Variants in ATXN10 observed in about 807,000 individuals in gnomAD.
ATXN10 encodes the protein ataxin-10.
In ATXN10, 28 loss-of-function variants were observed where a neutral mutation model predicts 52.9. That is an observed-to-expected ratio of 0.53 (90% CI 0.39 to 0.73). The LOEUF is 0.73. ATXN10 is among the 30% of genes least tolerant of loss of function. The pLI is 0.00. For missense variants in ATXN10, 565 were observed against 577.0 expected, an observed-to-expected ratio of 0.98 and a Z score of 0.21; for synonymous variants, 226 against 221.5, an observed-to-expected ratio of 1.02 and a Z score of -0.18.
chr22:45,675,939 TTC>T (rs1439301069), intron 1 of ATXN10: 1 of 152,230 alleles, frequency 6.6e-6, no homozygotes, highest in African/African-American at 2.4e-5. Context: ...TGTAAGATAA[TTC>T]TTTTTTCTCA....
intron 8 of ATXN10, 61 bp downstream of exon 8, chr22:45,738,900 A>G (rs1179569199): frequency 1.0e-5 from 14 of 1,365,338 alleles, no homozygotes; most frequent in Admixed American, 1.7e-5. Context: ...TCATACTGTA[A>G]TATAAATCCA....
In ATXN10 at chr22:45,820,311, T is replaced by TG. The variant is rs1040762019; in HGVS notation, c.1237+13291dup. ...ATGCAAGCTCTGATCACCGTCTAGTTGGAGAAACAGGCCATTGTGATAATA... is the reference window on the plus strand; with the variant it reads ...ATGCAAGCTCTGATCACCGTCTAGTTGGGAGAAACAGGCCATTGTGATAATA... On this transcript the variant is annotated intron_variant, in intron 10 of 11. Transcript: ENST00000252934. The surrounding 1 kb of genome is among the most constrained non-coding windows in gnomAD (Gnocchi z 4.9). Among the ~76,000 whole-genome samples the TG allele has an allele frequency of 1.1e-4, 16 of 152,302 alleles. No homozygotes were observed. Among genetic ancestry groups the TG allele is most frequent in the African/African-American group, 3.6e-4 (15 of 41,558 alleles).
At chr22:45,741,203 A>G (rs908799282) in intron 9 of ATXN10, among the ~76,000 whole-genome samples, 1 of 152,182 alleles carries the variant, frequency 6.6e-6, no homozygotes, top group Non-Finnish European at 1.5e-5. Context: ...TTTTTCTAAG[A>G]TGGTGGCAGA....
chr22:45,791,473 C>G (rs1282760311), intron 9 of ATXN10, among the ~76,000 whole-genome samples: 1 of 151,766 alleles, frequency 6.6e-6, no homozygotes, highest in Non-Finnish European at 1.5e-5. Context: ...AAAAAGTTCT[C>G]TAGTTTTCTG....
intron 9 of ATXN10, chr22:45,792,913 C>T (rs1448685280): frequency 1.6e-5 from 7 of 437,828 alleles, no homozygotes; most frequent in Non-Finnish European, 3.3e-5. Flanking sequence ...GTTATACCTA[C>T]ATAGGGAGCC....
chr22:45,700,811 T>C (rs1923813819), intron 4 of ATXN10, among the ~76,000 whole-genome samples: 2 of 152,240 alleles, frequency 1.3e-5, no homozygotes, highest in South Asian at 2.1e-4. Context: ...AATACTGATA[T>C]GCTGAGCACA....
intron 10 of ATXN10, among the ~76,000 whole-genome samples, chr22:45,838,446 T>G (rs1344164229): frequency 2.6e-5 from 4 of 152,248 alleles, no homozygotes; most frequent in Non-Finnish European, 5.9e-5. Context: ...AAGGCAGTTT[T>G]GCAACAAACA....
intron 9 of ATXN10, among the ~76,000 whole-genome samples, chr22:45,771,591 ATT>A (rs34489391): frequency 6.6e-6 from 1 of 151,676 alleles, no homozygotes; most frequent in Non-Finnish European, 1.5e-5. Flanking sequence ...AAAGTTTTGT[ATT>A]TTTAGTAGAG....
rs1242978831 is a variant in ATXN10 at position 45,841,738 on chromosome 22, T to G, written c.1238-1253T>G. 3.3e-5 allele frequency among the ~76,000 whole-genome samples: 5 copies of G among 152,240 alleles called. No individual in the cohort carries two copies. Among genetic ancestry groups the G allele is most frequent in the African/African-American group, 1.2e-4 (5 of 41,464 alleles). On this transcript the variant is annotated intron_variant, in intron 10 of 11. Transcript: ENST00000252934. The surrounding 1 kb of genome is among the most constrained non-coding windows in gnomAD (Gnocchi z 5.1). ...GAGAGAAACTGTTGGACTCATTTTC[T>G]TTCCCAAATACTACAGGAAAGAGCA...
At chr22:45,703,850 A>G (rs2146756106) in intron 5 of ATXN10, 1 of 152,294 alleles carries the variant, frequency 6.6e-6, no homozygotes, top group South Asian at 2.1e-4. Context: ...ACTCATTAGA[A>G]CCTGTCCCAT....
intron 1 of ATXN10, chr22:45,672,398 C>A: frequency 3.3e-6 from 1 of 301,148 alleles, no homozygotes; most frequent in Non-Finnish European, 5.4e-6. Flanking sequence ...CCCGCTCCCC[C>A]ACCGCAGCCA....
At chr22:45,747,221 G>A (rs1342479737) in intron 9 of ATXN10, among the ~76,000 whole-genome samples, 1 of 152,128 alleles carries the variant, frequency 6.6e-6, no homozygotes, top group African/African-American at 2.4e-5. Context: ...TGTCTGGGGG[G>A]CCGGGTGCAG....
At position 45,740,496 on chromosome 22, in the gene ATXN10, G is replaced by C. The variant is rs971114142; in HGVS notation, c.1131G>C (p.Leu377=). 1 of 1,613,686 alleles carries C rather than the reference G, an allele frequency of 6.2e-7. No individual in the cohort carries two copies. Among genetic ancestry groups the C allele is most frequent in the Non-Finnish European group, 8.5e-7 (1 of 1,179,886 alleles). ...ANGFKSHLIR[L]IGNLCYKNKD... ...GGTTTAAGTCTCATCTCATTCGTCT[G>C]ATTGGAAATCTGTGTTACAAGAATA... Residue 377 remains leucine (L), a synonymous_variant, in exon 9 of 12, where the codon CTG becomes CTC. Coordinates refer to ENST00000252934, the MANE Select transcript of ATXN10 (RefSeq NM_013236.4).
chr22:45,821,196 G>A (rs772368689), intron 10 of ATXN10, among the ~76,000 whole-genome samples: 7 of 152,020 alleles, frequency 4.6e-5, no homozygotes, highest in Admixed American at 2.6e-4. Flanking sequence ...TACTTCCTTT[G>A]TGTTTCTCTC....
At chr22:45,827,789 C>A (rs1198814478) in intron 10 of ATXN10, among the ~76,000 whole-genome samples, 1 of 152,150 alleles carries the variant, frequency 6.6e-6, no homozygotes, top group African/African-American at 2.4e-5. Flanking sequence ...AACAGACATA[C>A]ACAGAACACT....
intron 9 of ATXN10, among the ~76,000 whole-genome samples, chr22:45,794,965 G>A (rs932149080): frequency 1.3e-5 from 2 of 152,156 alleles, no homozygotes; most frequent in African/African-American, 2.4e-5. Context: ...CATAATGGCA[G>A]TATATTAGGG....
intron 10 of ATXN10, among the ~76,000 whole-genome samples, chr22:45,827,249 A>C (rs748251378): frequency 6.6e-6 from 1 of 152,212 alleles, no homozygotes; most frequent in Non-Finnish European, 1.5e-5. Context: ...GAAGACAATA[A>C]TGTAAGAAAT....
At position 45,732,533 on chromosome 22, in the gene ATXN10, A is replaced by G. The variant is rs1925128344; in HGVS notation, c.894+2943A>G. ...TTTACTTTTGGAAGTTTATTGAGCT[A>G]TACATTTATGACTTGTGCGTATTAA... On this transcript the variant is annotated intron_variant, in intron 7 of 11. Coordinates refer to ENST00000252934, the MANE Select transcript of ATXN10 (RefSeq NM_013236.4). This position sits in a 1 kb window ranked among gnomAD's most constrained non-coding sequence, Gnocchi z 4.5. Among the ~76,000 whole-genome samples the G allele has an allele frequency of 6.6e-6, 1 of 152,010 alleles. No homozygotes were observed. Among genetic ancestry groups the G allele is most frequent in the African/African-American group, 2.4e-5 (1 of 41,362 alleles).
intron 1 of ATXN10, among the ~76,000 whole-genome samples, chr22:45,680,801 C>T (rs1038015435): frequency 3.3e-5 from 5 of 152,012 alleles, no homozygotes; most frequent in African/African-American, 4.8e-5. Flanking sequence ...TCTTCTGACT[C>T]CCCAGTTCTT....
Sources: gnomAD v4.1 joint callset for allele counts (sites outside exome capture counted in the v4.1 genomes callset) on GRCh38, gnomAD v4.1.1 for gene constraint, Gnocchi (gnomAD v3.1) non-coding constraint, MANE v1.5 for transcripts, NCBI Gene and HGNC (gene_info 2026-07-23, HGNC 2026-07-21) for gene names.